The following PLCL1 variants were observed in gnomAD, a reference collection of about 807,000 sequenced individuals.
The protein encoded by PLCL1 is inactive phospholipase C-like protein 1.
Under a neutral mutation model 84.4 loss-of-function variants are expected in PLCL1, and 41 were observed. That is an observed-to-expected ratio of 0.49 (90% CI 0.38 to 0.63). PLCL1 has a LOEUF of 0.63. Among genes scored for constraint, PLCL1 ranks in the 30% least tolerant of loss-of-function variants. The pLI is 0.00. For missense variants in PLCL1, 1,206 were observed against 1,367.8 expected (o/e 0.88, Z 1.87); for synonymous variants, 490 against 488.3 (o/e 1.00, Z -0.05).
chr2:197,850,063 C>CACACACACACAT (rs1687203659), intron 1 of PLCL1, among the ~76,000 whole-genome samples: 2 of 151,608 alleles, frequency 1.3e-5, no homozygotes, highest in African/African-American at 4.8e-5. Flanking sequence ...CACACACACA[C>CACACACACACAT]ACACACACAC....
chr2:197,886,111 C>A (rs910100308), intron 1 of PLCL1, among the ~76,000 whole-genome samples: 1 of 151,986 alleles, frequency 6.6e-6, no homozygotes, highest in Non-Finnish European at 1.5e-5. Context: ...CAACACATAT[C>A]CTTTAAAGTA....
chr2:198,109,066 T>C (rs573332147), intron 5 of PLCL1, among the ~76,000 whole-genome samples: 1 of 152,000 alleles, frequency 6.6e-6, no homozygotes, highest in South Asian at 2.1e-4. Context: ...CTCCATGATG[T>C]CCTTCTTGTG....
chr2:197,902,086 A>G (rs1688278528), intron 1 of PLCL1, among the ~76,000 whole-genome samples: 1 of 152,178 alleles, frequency 6.6e-6, no homozygotes, highest in Non-Finnish European at 1.5e-5. Flanking sequence ...TTAAATGAAA[A>G]TAACAGAAGC....
intron 1 of PLCL1, among the ~76,000 whole-genome samples, chr2:197,831,547 T>G (rs150568976): frequency 0.015 from 2,276 of 152,254 alleles, 20 homozygotes; most frequent in Non-Finnish European, 0.02. Flanking sequence ...ACACAGAGAC[T>G]TAGACTCCCA....
chr2:197,811,947 A>G (rs1690596486), intron 1 of PLCL1, among the ~76,000 whole-genome samples: 1 of 152,078 alleles, frequency 6.6e-6, no homozygotes, highest in Admixed American at 6.6e-5. Context: ...TTAGTTTTTC[A>G]ACCCAAGTAC....
At chr2:198,138,664 C>T (rs1694313165) in intron 5 of PLCL1, among the ~76,000 whole-genome samples, 1 of 152,090 alleles carries the variant, frequency 6.6e-6, no homozygotes, top group African/African-American at 2.4e-5. Flanking sequence ...AATTTACTCA[C>T]CTTGGGTATT....
intron 1 of PLCL1, among the ~76,000 whole-genome samples, chr2:198,015,710 G>A (rs908272732): frequency 3.3e-5 from 5 of 152,126 alleles, no homozygotes; most frequent in Admixed American, 6.6e-5. Context: ...ACTTACATAT[G>A]TGATATGCAT....
At chr2:197,824,725 A>C (rs987186211) in intron 1 of PLCL1, among the ~76,000 whole-genome samples, 2 of 151,796 alleles carry the variant, frequency 1.3e-5, no homozygotes, top group Non-Finnish European at 2.9e-5. Context: ...AAAAAAAAAA[A>C]AAAAAAAAAA....
chr2:198,101,909 C>T (rs1397982217), intron 4 of PLCL1, among the ~76,000 whole-genome samples: 2 of 152,024 alleles, frequency 1.3e-5, no homozygotes, highest in Non-Finnish European at 2.9e-5. Context: ...CTTCTCTATC[C>T]ACATACCCGA....
intron 1 of PLCL1, among the ~76,000 whole-genome samples, chr2:197,932,483 A>G (rs1311507499): frequency 6.6e-6 from 1 of 152,100 alleles, no homozygotes; most frequent in Non-Finnish European, 1.5e-5. Context: ...TAAGTCCTGC[A>G]TGCATTGACT....
intron 1 of PLCL1, among the ~76,000 whole-genome samples, chr2:197,884,882 T>C (rs1687889628): frequency 6.8e-6 from 1 of 146,354 alleles, no homozygotes; most frequent in African/African-American, 2.5e-5. Context: ...AATGATTTCC[T>C]AAAAAAAAAA....
intron 1 of PLCL1, among the ~76,000 whole-genome samples, chr2:198,066,979 C>G (rs1445923267): frequency 3.3e-5 from 5 of 152,104 alleles, no homozygotes; most frequent in African/African-American, 7.2e-5. Flanking sequence ...ATATATCTTT[C>G]TCCTACAGGT....
chr2:197,941,069 C>T (rs1689149379), intron 1 of PLCL1, among the ~76,000 whole-genome samples: 1 of 152,102 alleles, frequency 6.6e-6, no homozygotes, highest in Non-Finnish European at 1.5e-5. Context: ...CCATATCTTG[C>T]TGAAAGTTCT....
chr2:197,863,686 A>T (rs1021240503), intron 1 of PLCL1, among the ~76,000 whole-genome samples: 2 of 152,186 alleles, frequency 1.3e-5, no homozygotes, highest in African/African-American at 4.8e-5. Flanking sequence ...CATCTAATCA[A>T]TAGTCCAAAC....
chr2:197,952,000 A>C (rs73056877), intron 1 of PLCL1, among the ~76,000 whole-genome samples: 27,482 of 152,116 alleles, frequency 0.18, 2,563 homozygotes, highest in East Asian at 0.27. Flanking sequence ...TCTTTGTAAT[A>C]AGCATTCGTG....
At chr2:197,998,486 T>C (rs1054480705) in intron 1 of PLCL1, among the ~76,000 whole-genome samples, 1 of 152,144 alleles carries the variant, frequency 6.6e-6, no homozygotes, top group African/African-American at 2.4e-5. Context: ...AAATCATTAT[T>C]TGTCCCTTCA....
intron 1 of PLCL1, among the ~76,000 whole-genome samples, chr2:198,012,420 G>T (rs946403109): frequency 6.6e-6 from 1 of 152,024 alleles, no homozygotes; most frequent in African/African-American, 2.4e-5. Flanking sequence ...GTCAGTCAAG[G>T]CCATCTTGGA....
At position 197,868,116 on chromosome 2, in the gene PLCL1, C is replaced by G. The variant is rs965831100; in HGVS notation, c.240+62777C>G. On this transcript the variant is annotated intron_variant, in intron 1 of 5. Coordinates refer to ENST00000428675, the MANE Select transcript of PLCL1 (RefSeq NM_006226.4). ...TCATTAGAAATAGGTATTATCTTAG[C>G]TATTATAACTGCTGGAAGTTTTGTG... 3.9e-5 allele frequency among the ~76,000 whole-genome samples: 6 copies of G among 152,288 alleles called. No individual in the cohort carries two copies. In the South Asian group the frequency reaches 1.2e-3, roughly 32 times the overall value.
At chr2:197,941,850 C>A (rs914864000) in intron 1 of PLCL1, among the ~76,000 whole-genome samples, 21 of 152,198 alleles carry the variant, frequency 1.4e-4, no homozygotes, top group African/African-American at 4.8e-4. Context: ...TCTTGGGGAT[C>A]CCTATACAGT....
Sources: allele counts gnomAD v4.1 joint callset (sites outside exome capture counted in the v4.1 genomes callset), GRCh38; gene constraint gnomAD v4.1.1; transcripts MANE v1.5; gene names NCBI Gene and HGNC (gene_info 2026-07-23, HGNC 2026-07-21).